The following SCN4B variants were observed in gnomAD, a reference collection of about 807,000 sequenced individuals.
The protein encoded by SCN4B is sodium voltage-gated channel beta subunit 4, also known as sodium channel regulatory subunit beta-4.
A neutral mutation model predicts 19.6 loss-of-function variants in SCN4B; 20 were observed. The ratio of observed to expected loss-of-function variants is 1.02; its 90% CI spans 0.72 to 1.48. The LOEUF (loss-of-function observed/expected upper bound fraction) is 1.48, where lower values mean the gene tolerates loss of function less well. Among genes scored for constraint, SCN4B ranks in the 40% most tolerant of loss-of-function variants. SCN4B has a pLI of 0.00. For synonymous variants in SCN4B, 127 were observed against 122.8 expected, an observed-to-expected ratio of 1.03 and a Z score of -0.22; for missense variants, 271 against 287.5, an observed-to-expected ratio of 0.94 and a Z score of 0.42.
chr11:118,133,594 T>G lies in SCN4B; in HGVS notation c.*3433A>C. The G allele has an allele frequency of 2.2e-6, 1 of 454,532 alleles. No individual in the cohort carries two copies. Among genetic ancestry groups the G allele is most frequent in the South Asian group, 1.6e-5 (1 of 64,468 alleles). The allele number at this position is 454,532 out of a possible 1,614,324, so 28.2% of individuals were successfully genotyped here. A position where few individuals can be genotyped will look rare whatever the true frequency, so the allele number is the denominator to read the frequency against. On this transcript the variant is annotated 3_prime_UTR_variant, in exon 5 of 5. Transcript: ENST00000324727. ...TTGATCTATAGTTACATAGGAAAAT[T>G]GACTATGGGTATTGTTGTCATCCAA...
At chr11:118,140,264 A>G (rs1225152152) in intron 4 of SCN4B, among the ~76,000 whole-genome samples, 1 of 152,170 alleles carries the variant, frequency 6.6e-6, no homozygotes, top group Non-Finnish European at 1.5e-5. Flanking sequence ...CTCTTCATCG[A>G]CAACCCAGTT....
chr11:118,145,301 G>C, intron 1 of SCN4B, 72 bp from the exon 2 acceptor site: 1 of 1,604,272 alleles, frequency 6.2e-7, no homozygotes, highest in Non-Finnish European at 8.5e-7. Flanking sequence ...TGCTTAGGCA[G>C]GGCGGAGTAG....
chr11:118,144,949 G>C (rs1305336607), intron 2 of SCN4B, 108 bp downstream of exon 2: 1 of 1,126,652 alleles, frequency 8.9e-7, no homozygotes, highest in Non-Finnish European at 1.4e-6. Flanking sequence ...CAAAAGGTGG[G>C]TTCTGGGGAC....
chr11:118,147,145 ACC>A (rs1360513596), intron 1 of SCN4B, among the ~76,000 whole-genome samples: 4 of 152,196 alleles, frequency 2.6e-5, no homozygotes, highest in Admixed American at 6.5e-5. Context: ...CACTTTGAGA[ACC>A]ACGGTGCGAG....
At chr11:118,140,584 C>T (rs1948082594) in intron 4 of SCN4B, among the ~76,000 whole-genome samples, 1 of 152,236 alleles carries the variant, frequency 6.6e-6, no homozygotes, top group Non-Finnish European at 1.5e-5. Flanking sequence ...GCTCTGGAGC[C>T]TGTCTGATAC....
At chr11:118,147,586 C>CA (rs1948193992) in intron 1 of SCN4B, among the ~76,000 whole-genome samples, 1 of 152,178 alleles carries the variant, frequency 6.6e-6, no homozygotes. Context: ...CTCCTCCGCC[C>CA]CATCTCCCCC....
At chr11:118,151,428 C>T (rs1485544925) in intron 1 of SCN4B, among the ~76,000 whole-genome samples, 1 of 152,162 alleles carries the variant, frequency 6.6e-6, no homozygotes, top group Admixed American at 6.5e-5. Context: ...CTAAGGCCCA[C>T]TTCATTAAGG....
chr11:118,148,615 G>A lies in SCN4B; in HGVS notation c.62-3386C>T, dbSNP rs969973641. Among the ~76,000 whole-genome samples, 26 of 152,178 alleles carry A rather than the reference G, an allele frequency of 1.7e-4. No individual in the cohort carries two copies. The highest frequency in any genetic ancestry group is 5.8e-4 in the African/African-American group (24 of 41,424). The stretch of plus-strand genomic sequence containing the variant: ...GAGATTATAAAACACAAGAGGGGCC[G>A]CCGTGAGTGGGCACCCTGCAGGTAG... On this transcript the variant is annotated intron_variant, in intron 1 of 4. Coordinates refer to ENST00000324727, the MANE Select transcript of SCN4B (RefSeq NM_174934.4). The surrounding 1 kb of genome is among the most constrained non-coding windows in gnomAD (Gnocchi z 4.0).
In SCN4B at chr11:118,136,103, C is replaced by CGGGGG. The variant is rs397753873; in HGVS notation, c.*923_*924insCCCCC. 2.2e-6 allele frequency: 1 copy of CGGGGG among 447,386 alleles called. No individual in the cohort carries two copies. The highest frequency in any genetic ancestry group is 2.0e-5 in the African/African-American group (1 of 48,966). The allele number at this position is 447,386 out of a possible 1,614,324, so 27.7% of individuals were successfully genotyped here. ...GCCTCTCAGGTAGGAGGGGGAGAAGCAGGGGAGAGCTGGGCTCAGGAGTGC... is the reference window on the plus strand; with the variant it reads ...GCCTCTCAGGTAGGAGGGGGAGAAGCGGGGGAGGGGAGAGCTGGGCTCAGGAGTGC... On this transcript the variant is annotated 3_prime_UTR_variant, in exon 5 of 5. Coordinates refer to ENST00000324727, the MANE Select transcript of SCN4B (RefSeq NM_174934.4).
Position 118,134,556 on chromosome 11 carries a change from C to T in SCN4B, c.*2471G>A, listed in dbSNP as rs1162441978. 4.4e-6 allele frequency: 2 copies of T among 454,118 alleles called. No individual in the cohort carries two copies. The highest frequency in any genetic ancestry group is 3.1e-5 in the South Asian group (2 of 64,478). 28.1% of individuals were successfully genotyped at this position (454,118 alleles called of 1,614,324 possible). A position where few individuals can be genotyped will look rare whatever the true frequency, so the allele number is the denominator to read the frequency against. On this transcript the variant is annotated 3_prime_UTR_variant, in exon 5 of 5. Transcript: ENST00000324727. ...GCATGGGGGCAACCAAAAATGCCCCCCCTACAATCTCAGTCACCTCTATTG... is the reference window on the plus strand; with the variant it reads ...GCATGGGGGCAACCAAAAATGCCCCTCCTACAATCTCAGTCACCTCTATTG...
chr11:118,134,621 C>A lies in SCN4B; in HGVS notation c.*2406G>T. 2.2e-6 allele frequency: 1 copy of A among 454,000 alleles called. No individual in the cohort carries two copies. The highest frequency in any genetic ancestry group is 1.6e-5 in the South Asian group (1 of 64,468). The allele number at this position is 454,000 out of a possible 1,614,324, so 28.1% of individuals were successfully genotyped here. A position where few individuals can be genotyped will look rare whatever the true frequency, so the allele number is the denominator to read the frequency against. ...AAAGCCATGGACAAGAAGCTTTAAGCATCAGAGTCAAGGTTTCTAATATTG... is the reference window on the plus strand; with the variant it reads ...AAAGCCATGGACAAGAAGCTTTAAGAATCAGAGTCAAGGTTTCTAATATTG... On this transcript the variant is annotated 3_prime_UTR_variant, in exon 5 of 5. Coordinates refer to ENST00000324727, the MANE Select transcript of SCN4B (RefSeq NM_174934.4).
intron 4 of SCN4B, among the ~76,000 whole-genome samples, chr11:118,139,664 C>T (rs1248133438): frequency 6.6e-6 from 1 of 152,332 alleles, no homozygotes; most frequent in Non-Finnish European, 1.5e-5. Context: ...AGTCACAGTT[C>T]AAATCCCAGC....
rs886047724 is a variant in SCN4B, at chr11:118,135,834, A to G, written c.*1193T>C. On this transcript the variant is annotated 3_prime_UTR_variant, in exon 5 of 5. Transcript: ENST00000324727. The stretch of plus-strand genomic sequence containing the variant: ...GGGCTGTGCAAACCAGCTCTGGGAG[A>G]AGCAAAGGAAAACTGTGGGCACCCA... 1 of 454,244 alleles carries G rather than the reference A, an allele frequency of 2.2e-6. No individual in the cohort carries two copies. The highest frequency in any genetic ancestry group is 7.0e-5 in the East Asian group (1 of 14,378). The allele number at this position is 454,244 out of a possible 1,614,324, so 28.1% of individuals were successfully genotyped here.
chr11:118,149,853 A>G (rs586053), intron 1 of SCN4B, among the ~76,000 whole-genome samples: 96,092 of 152,030 alleles, frequency 0.63, 32,263 homozygotes, highest in African/African-American at 0.87. Flanking sequence ...AGAGCTTTGG[A>G]ACTCCAGCCT....
rs1388004616 is a variant in SCN4B at position 118,141,409 on chromosome 11, G to GCTC, written c.464-74_464-73insGAG. 1.9e-6 allele frequency: 3 copies of GCTC among 1,589,976 alleles called. No individual in the cohort carries two copies. In the East Asian group the frequency reaches 6.7e-5, roughly 36 times the overall value. On this transcript the variant is annotated intron_variant, in intron 3 of 4. Coordinates refer to ENST00000324727, the MANE Select transcript of SCN4B (RefSeq NM_174934.4). ...AGTCAACCTGGAGCCGAGAACTGTGGCAGTGCAAGGGCCATGTAGCCTCCA... is the reference window on the plus strand; with the variant it reads ...AGTCAACCTGGAGCCGAGAACTGTGGCTCCAGTGCAAGGGCCATGTAGCCTCCA...
chr11:118,136,565 G>C lies in SCN4B; in HGVS notation c.*462C>G, dbSNP rs1481367359. 2.2e-6 allele frequency: 1 copy of C among 454,210 alleles called. No individual in the cohort carries two copies. Among genetic ancestry groups the C allele is most frequent in the Admixed American group, 2.3e-5 (1 of 42,558 alleles). The allele number at this position is 454,210 out of a possible 1,614,324, so 28.1% of individuals were successfully genotyped here. ...CAGCCCCCACCCCAGGTCTTCTCCA[G>C]AGGCCTCCAGCCCACTCCCACCTCC... On this transcript the variant is annotated 3_prime_UTR_variant, in exon 5 of 5. Transcript: ENST00000324727.
At chr11:118,142,211 C>T (rs769856422) in intron 3 of SCN4B, among the ~76,000 whole-genome samples, 2 of 152,232 alleles carry the variant, frequency 1.3e-5, no homozygotes, top group Non-Finnish European at 2.9e-5. Flanking sequence ...CTCCCAGTGG[C>T]TCCCACCTCA....
Position 118,136,832 on chromosome 11 carries a change from C to T in SCN4B, c.*195G>A. On this transcript the variant is annotated 3_prime_UTR_variant, in exon 5 of 5. Coordinates refer to ENST00000324727, the MANE Select transcript of SCN4B (RefSeq NM_174934.4). ...CCACAGACCCCCTCCCCTGGCCATC[C>T]CTTGTCCCTGGGGAGCCCTGACTGG... 1.5e-6 allele frequency: 1 copy of T among 684,130 alleles called. No homozygotes were observed. The highest frequency in any genetic ancestry group is 2.7e-6 in the Non-Finnish European group (1 of 373,336). The allele number at this position is 684,130 out of a possible 1,614,324, so 42.4% of individuals were successfully genotyped here.
intron 3 of SCN4B, 97 bp from the exon 4 acceptor site, chr11:118,141,433 C>T (rs978161834): frequency 6.8e-6 from 10 of 1,468,710 alleles, no homozygotes; most frequent in African/African-American, 2.8e-5. Context: ...ATGTAGCCTC[C>T]ACCCCCTGGC....
Sources: gnomAD v4.1 joint callset for allele counts (sites outside exome capture counted in the v4.1 genomes callset) on GRCh38, gnomAD v4.1.1 for gene constraint, Gnocchi (gnomAD v3.1) non-coding constraint, MANE v1.5 for transcripts, NCBI Gene and HGNC (gene_info 2026-07-23, HGNC 2026-07-21) for gene names.